DENND4B: variants seen among roughly 807,000 people sequenced by gnomAD.
DENND4B encodes the protein DENN domain-containing protein 4B.
In DENND4B, 67 loss-of-function variants were observed where a neutral mutation model predicts 161.0. That is an observed-to-expected ratio of 0.42 (90% CI 0.34 to 0.51). The LOEUF is 0.51. DENND4B is among the 20% of genes least tolerant of loss of function. The pLI, the probability that DENND4B is intolerant of heterozygous loss-of-function variation, is 0.08. For synonymous variants in DENND4B, 753 were observed against 813.8 expected, an observed-to-expected ratio of 0.93 and a Z score of 1.27; for missense variants, 1,481 against 1,968.0, an observed-to-expected ratio of 0.75 and a Z score of 4.68.
Position 153,938,994 on chromosome 1 carries a change from A to C in DENND4B, c.1871T>G (p.Leu624Arg). The stretch of plus-strand genomic sequence containing the variant: ...GAACTGTGAGAACATCTGTGTGTGC[A>C]GCAGCTGAGAGTAAAGTTTGTGGCT... ...RSSHKLYSQLLHTQMFSQFIE... is the reference protein window; with the variant it reads ...RSSHKLYSQLRHTQMFSQFIE... The change falls in exon 13 of 28, where the codon CTG becomes CGG. Residue 624 changes from leucine (L) to arginine (R), a missense_variant. Transcript: ENST00000361217. The C allele has an allele frequency of 1.2e-6, 2 of 1,612,436 alleles. No individual in the cohort carries two copies. Among genetic ancestry groups the C allele is most frequent in the Non-Finnish European group, 1.7e-6 (2 of 1,179,276 alleles).
At chr1:153,931,496 CTT>C (rs1157104732) in intron 24 of DENND4B, among the ~76,000 whole-genome samples, 24 of 134,044 alleles carry the variant, frequency 1.8e-4, no homozygotes, top group South Asian at 2.4e-4. Flanking sequence ...TATGCTCTTT[CTT>C]TTTTTTTTTT....
chr1:153,936,066 G>A lies in DENND4B; in HGVS notation c.2562C>T (p.Tyr854=). Residue 854 remains tyrosine (Y), a synonymous_variant, in exon 17 of 28, where the codon TAC becomes TAT. Coordinates refer to ENST00000361217, the MANE Select transcript of DENND4B (RefSeq NM_014856.3). The surrounding 1 kb of genome is among the most constrained non-coding windows in gnomAD (Gnocchi z 4.1). ...CTCACCCCAAAGTAGGTACCTTATT[G>A]TAGTAGCCATAGGTGATGGTGTTGG... ...IVPNTITYGY[Y]NKAVLESKWP... 5.0e-6 allele frequency: 8 copies of A among 1,612,870 alleles called. No homozygotes were observed. Among genetic ancestry groups the A allele is most frequent in the Non-Finnish European group, 6.8e-6 (8 of 1,179,488 alleles).
In DENND4B at chr1:153,942,118, C is replaced by CA. The variant is rs1679708373; in HGVS notation, c.811-6dup. The CA allele has an allele frequency of 6.2e-7, 1 of 1,613,638 alleles. No homozygotes were observed. Among genetic ancestry groups the CA allele is most frequent in the South Asian group, 1.1e-5 (1 of 91,066 alleles). ...CTGCAGGGCGGCACCATACACCTGGCAGGGGGCAGAAGGGTAGTCAGGCAG... is the reference window on the plus strand; with the variant it reads ...CTGCAGGGCGGCACCATACACCTGGCAAGGGGGCAGAAGGGTAGTCAGGCAG... On this transcript the variant is annotated splice_region_variant and splice_polypyrimidine_tract_variant and intron_variant, in intron 5 of 27. Coordinates refer to ENST00000361217, the MANE Select transcript of DENND4B (RefSeq NM_014856.3). The surrounding 1 kb of genome is among the most constrained non-coding windows in gnomAD (Gnocchi z 6.9).
At position 153,942,786 on chromosome 1, in the gene DENND4B, C is replaced by A; in HGVS notation, c.570+92G>T. 6.7e-7 allele frequency: 1 copy of A among 1,502,780 alleles called. No individual in the cohort carries two copies. The highest frequency in any genetic ancestry group is 1.3e-5 in the South Asian group (1 of 74,188). The allele number at this position is 1,502,780 out of a possible 1,614,324, so 93.1% of individuals were successfully genotyped here. The stretch of plus-strand genomic sequence containing the variant: ...ACCCCTCTGGACTCACCCCTGTGGT[C>A]AGAGCCTTGGTCCTGGGATGCCCTT... On this transcript the variant is annotated intron_variant, in intron 3 of 27. Transcript: ENST00000361217. The surrounding 1 kb of genome is among the most constrained non-coding windows in gnomAD (Gnocchi z 6.9).
rs1190969062 is a variant in DENND4B at position 153,930,275 on chromosome 1, T to G, written c.*22A>C. 4 of 1,607,220 alleles carry G rather than the reference T, an allele frequency of 2.5e-6. No homozygotes were observed. The East Asian group carries it at 9.0e-5, about 36-fold the overall frequency. ...TCTTCCTCACTTCCCCACCCTAGGC[T>G]GGAGAGGGAAGCTTAAGGTCTCTAG... On this transcript the variant is annotated 3_prime_UTR_variant, in exon 28 of 28. Transcript: ENST00000361217. This position sits in a 1 kb window ranked among gnomAD's most constrained non-coding sequence, Gnocchi z 4.7.
chr1:153,937,625 A>G lies in DENND4B; in HGVS notation c.2106-11T>C. On this transcript the variant is annotated splice_polypyrimidine_tract_variant and intron_variant, in intron 14 of 27. Transcript: ENST00000361217. The surrounding 1 kb of genome is among the most constrained non-coding windows in gnomAD (Gnocchi z 4.7). ...GGGAATCCATCATAGCTGGAGGGGC[A>G]GAGAGAAGCAACATCGGGGCAGTCA... is the stretch of plus-strand genomic sequence containing the variant. The G allele has an allele frequency of 6.2e-7, 1 of 1,611,710 alleles. No individual in the cohort carries two copies. Among genetic ancestry groups the G allele is most frequent in the South Asian group, 1.1e-5 (1 of 90,878 alleles).
rs201942588 is a variant in DENND4B, at chr1:153,933,586, A to C, written c.3227T>G (p.Ile1076Ser). 6.4e-7 allele frequency: 1 copy of C among 1,568,216 alleles called. No individual in the cohort carries two copies. Among genetic ancestry groups the C allele is most frequent in the East Asian group, 2.3e-5 (1 of 44,444 alleles). Residue 1076 changes from isoleucine (I) to serine (S), a missense_variant, in exon 20 of 28, where the codon ATT (isoleucine) becomes AGT (serine). By Grantham distance (142) the Ile-to-Ser change is moderately radical. Around this residue, in one of 3 missense-constraint regions of DENND4B, gnomAD observed 339 missense variants for 330.3 expected, o/e 1.03. Coordinates refer to ENST00000361217, the MANE Select transcript of DENND4B (RefSeq NM_014856.3). This position sits in a 1 kb window ranked among gnomAD's most constrained non-coding sequence, Gnocchi z 5.7. ...GTCAGGAGGCAGCTCAGGTGGGGGA[A>C]TGCGGGAGGCAGGGGAGTGGCGGGA... The part of the protein sequence containing the change: ...TPSRHSPASR[I>S]PPPELPPDLP...
In DENND4B at chr1:153,932,817, C is replaced by T; in HGVS notation, c.3624-40G>A. 6.2e-7 allele frequency: 1 copy of T among 1,613,294 alleles called. No homozygotes were observed. Among genetic ancestry groups the T allele is most frequent in the Non-Finnish European group, 8.5e-7 (1 of 1,179,380 alleles). On this transcript the variant is annotated intron_variant, in intron 22 of 27. Transcript: ENST00000361217. The surrounding 1 kb of genome is among the most constrained non-coding windows in gnomAD (Gnocchi z 5.8). ...CAGCAGGGGTCAGCTTTTGGACCTT[C>T]ACCTCCCTATTCCCACCCACAGCAC...
Position 153,940,925 on chromosome 1 carries a change from G to A in DENND4B, c.1305C>T (p.Ser435=), listed in dbSNP as rs1380576596. ...TCACCGAGACGAGGGCCTCACAGAC[G>A]CTGGTGAGCAGGTCTGGCCGCAGCG... ...VHSLRPDLLT[S]VCEALVSMIF... is the part of the protein sequence containing the mutation. The change falls in exon 9 of 28, where the codon AGC becomes AGT. Residue 435 remains serine (S), a synonymous_variant. Coordinates refer to ENST00000361217, the MANE Select transcript of DENND4B (RefSeq NM_014856.3). This position sits in a 1 kb window ranked among gnomAD's most constrained non-coding sequence, Gnocchi z 5.6. 7.6e-6 allele frequency: 12 copies of A among 1,583,396 alleles called. No homozygotes were observed. The highest frequency in any genetic ancestry group is 2.2e-5 in the East Asian group (1 of 44,612).
chr1:153,938,851 A>G (rs1679503023), intron 13 of DENND4B, 49 bp downstream of exon 13: 3 of 1,554,390 alleles, frequency 1.9e-6, no homozygotes, highest in Non-Finnish European at 2.6e-6. Flanking sequence ...CAACAGAGAC[A>G]ATGAGGGAGA....
In DENND4B at chr1:153,934,598, C is replaced by G; in HGVS notation, c.2773+162G>C. The G allele has an allele frequency of 7.7e-7, 1 of 1,295,138 alleles. No homozygotes were observed. The highest frequency in any genetic ancestry group is 1.0e-6 in the Non-Finnish European group (1 of 960,576). The allele number at this position is 1,295,138 out of a possible 1,614,324, so 80.2% of individuals were successfully genotyped here. On this transcript the variant is annotated intron_variant, in intron 18 of 27. Transcript: ENST00000361217. This position sits in a 1 kb window ranked among gnomAD's most constrained non-coding sequence, Gnocchi z 5.3. Reference sequence around the variant, plus strand: ...CTGGGACTACAGGTGCGCGCCACCACGCCCAGCTAATTTTTTTATCCCTTT... The same window carrying G: ...CTGGGACTACAGGTGCGCGCCACCAGGCCCAGCTAATTTTTTTATCCCTTT...
chr1:153,930,298 T>C lies in DENND4B; in HGVS notation c.4490A>G (p.Ter1497TrpextTer3). Residue 1497 changes from the stop codon to tryptophan (W), a stop_lost, in exon 28 of 28, where the codon TAG (stop) becomes TGG (tryptophan). Coordinates refer to ENST00000361217, the MANE Select transcript of DENND4B (RefSeq NM_014856.3). This position sits in a 1 kb window ranked among gnomAD's most constrained non-coding sequence, Gnocchi z 4.7. The part of the protein sequence containing the change: ...RKCFGAPPEC[*>W] ...GCTGGAGAGGGAAGCTTAAGGTCTC[T>C]AGCATTCTGGAGGTGCTCCAAAACA... The C allele has an allele frequency of 1.2e-6, 2 of 1,613,448 alleles. No individual in the cohort carries two copies. The highest frequency in any genetic ancestry group is 1.7e-6 in the Non-Finnish European group (2 of 1,179,432).
Position 153,936,672 on chromosome 1 carries a change from T to A in DENND4B, c.2309A>T (p.His770Leu). The A allele has an allele frequency of 6.2e-7, 1 of 1,613,118 alleles. No individual in the cohort carries two copies. Among genetic ancestry groups the A allele is most frequent in the Non-Finnish European group, 8.5e-7 (1 of 1,179,478 alleles). ...ACACAGGAACCACAGCCCATAGCAG[T>A]GCCCCAGCAGGCACCGGGCCCACAG... ...PELWARCLLG[H>L]CYGLWFLCLP... is the part of the protein sequence containing the mutation. Residue 770 changes from histidine (H) to leucine (L), a missense_variant, in exon 16 of 28, where the codon CAC becomes CTC. Physicochemically the swap from His to Leu is moderately conservative, Grantham distance 99 (BLOSUM62 -3). Coordinates refer to ENST00000361217, the MANE Select transcript of DENND4B (RefSeq NM_014856.3). This position sits in a 1 kb window ranked among gnomAD's most constrained non-coding sequence, Gnocchi z 4.1.
At chr1:153,939,121 C>A in intron 12 of DENND4B, 76 bp from the exon 13 acceptor site, 1 of 1,533,602 alleles carries the variant, frequency 6.5e-7, no homozygotes, top group South Asian at 1.2e-5. Flanking sequence ...TTTTGAATCT[C>A]TTCTTGGCTC....
chr1:153,933,933 C>A lies in DENND4B; in HGVS notation c.2942-62G>T. On this transcript the variant is annotated intron_variant, in intron 19 of 27. Transcript: ENST00000361217. The surrounding 1 kb of genome is among the most constrained non-coding windows in gnomAD (Gnocchi z 5.7). ...AGCCTCTGCACCAACTTCCCCTTTC[C>A]TGAATAAACACAATTCCTGGCTGCA... The A allele has an allele frequency of 1.3e-6, 2 of 1,576,470 alleles. No individual in the cohort carries two copies. The highest frequency in any genetic ancestry group is 1.7e-6 in the Non-Finnish European group (2 of 1,169,084).
chr1:153,936,403 T>C lies in DENND4B; in HGVS notation c.2439+139A>G. On this transcript the variant is annotated intron_variant, in intron 16 of 27. Transcript: ENST00000361217. The surrounding 1 kb of genome is among the most constrained non-coding windows in gnomAD (Gnocchi z 4.1). ...TGAACATGCTTATTCACTCGACGAA[T>C]GTTTATAGATAATCTGCCCAGCTCT... 8.6e-7 allele frequency: 1 copy of C among 1,157,994 alleles called. No individual in the cohort carries two copies. The highest frequency in any genetic ancestry group is 1.2e-6 in the Non-Finnish European group (1 of 829,498). 71.7% of individuals were successfully genotyped at this position (1,157,994 alleles called of 1,614,324 possible). A position where few individuals can be genotyped will look rare whatever the true frequency, so the allele number is the denominator to read the frequency against.
At position 153,933,196 on chromosome 1, in the gene DENND4B, C is replaced by T. The variant is rs769996084; in HGVS notation, c.3453+1G>A. ...ATCTGTGTGGGAGGGGTTATCCTCA[C>T]TTCCAGGGAAGGTGACTGGAAGGAT... On this transcript the variant is annotated splice_donor_variant, in intron 21 of 27. Transcript: ENST00000361217. LOFTEE classifies it high-confidence loss of function. The surrounding 1 kb of genome is among the most constrained non-coding windows in gnomAD (Gnocchi z 5.7). The T allele has an allele frequency of 6.2e-7, 1 of 1,613,110 alleles. No homozygotes were observed. Among genetic ancestry groups the T allele is most frequent in the Non-Finnish European group, 8.5e-7 (1 of 1,179,536 alleles).
Position 153,942,480 on chromosome 1 carries a change from T to C in DENND4B, c.640+76A>G. 6.4e-7 allele frequency: 1 copy of C among 1,563,290 alleles called. No homozygotes were observed. Among genetic ancestry groups the C allele is most frequent in the Non-Finnish European group, 8.7e-7 (1 of 1,152,988 alleles). On this transcript the variant is annotated intron_variant, in intron 4 of 27. Transcript: ENST00000361217. This position sits in a 1 kb window ranked among gnomAD's most constrained non-coding sequence, Gnocchi z 6.9. ...AAGAGAAAGTAAACTCTGGGGACAC[T>C]TAAGGTGCCTGCCAAGAGGCACCAG...
Position 153,932,666 on chromosome 1 carries a change from G to C in DENND4B, c.3735C>G (p.Pro1245=). The C allele has an allele frequency of 1.2e-6, 2 of 1,613,776 alleles. No individual in the cohort carries two copies. The highest frequency in any genetic ancestry group is 1.7e-6 in the Non-Finnish European group (2 of 1,179,712). ...DRRLCLALDE[P]QLCNGHMGGA... ...CCCCCATGTGCCCGTTGCAGAGCTG[G>C]GGCTCATCCAGAGCAAGGCAGAGCC... Residue 1245 remains proline, a synonymous_variant, in exon 23 of 28, where the codon CCC becomes CCG. Coordinates refer to ENST00000361217, the MANE Select transcript of DENND4B (RefSeq NM_014856.3). This position sits in a 1 kb window ranked among gnomAD's most constrained non-coding sequence, Gnocchi z 5.8.
Sources: gnomAD v4.1 joint callset for allele counts (sites outside exome capture counted in the v4.1 genomes callset) on GRCh38, gnomAD v4.1.1 for gene constraint, gnomAD v4.1.1 regional missense constraint, Gnocchi (gnomAD v3.1) non-coding constraint, MANE v1.5 for transcripts, NCBI Gene and HGNC (gene_info 2026-07-23, HGNC 2026-07-21) for gene names.